Variants in COL9A1 observed in about 807,000 individuals in gnomAD.
COL9A1 encodes the protein collagen alpha-1(IX) chain.
In COL9A1, 104 loss-of-function variants were observed where a neutral mutation model predicts 142.6. The ratio of observed to expected loss-of-function variants is 0.73; its 90% CI spans 0.62 to 0.86. COL9A1 has a LOEUF of 0.86. COL9A1 is among the 40% of genes least tolerant of loss of function. The probability of loss-of-function intolerance (pLI) is 0.00; values close to 1 mark genes in which losing one functional copy is unlikely to be tolerated. For missense variants in COL9A1, 1,210 were observed against 1,176.6 expected, an observed-to-expected ratio of 1.03 and a Z score of -0.42; for synonymous variants, 466 against 396.0, an observed-to-expected ratio of 1.18 and a Z score of -2.10.
At chr6:70,246,502 G>C (rs775089992) in intron 28 of COL9A1, among the ~76,000 whole-genome samples, 5 of 151,982 alleles carry the variant, frequency 3.3e-5, no homozygotes, top group Non-Finnish European at 7.4e-5. Flanking sequence ...GAAATATATT[G>C]CACTAGATGT....
intron 36 of COL9A1, among the ~76,000 whole-genome samples, chr6:70,228,029 G>A (rs1422284685): frequency 6.6e-6 from 1 of 152,104 alleles, no homozygotes; most frequent in Non-Finnish European, 1.5e-5. Flanking sequence ...AGGCAGATGG[G>A]AGACAGGGAT....
In COL9A1 at chr6:70,255,353, C is replaced by A. The variant is rs1176050943; in HGVS notation, c.1541G>T (p.Gly514Val). 3 of 1,614,064 alleles carry A rather than the reference C, an allele frequency of 1.9e-6. No individual in the cohort carries two copies. Among genetic ancestry groups the A allele is most frequent in the Non-Finnish European group, 2.5e-6 (3 of 1,180,020 alleles). Residue 514 changes from glycine (G) to valine (V), a missense_variant, in exon 22 of 38, where the codon GGT becomes GTT. Coordinates refer to ENST00000357250, the MANE Select transcript of COL9A1 (RefSeq NM_001851.6). ...QGQRGPPGEAGPKGDRGAEGA... is the reference protein window; with the variant it reads ...QGQRGPPGEAVPKGDRGAEGA... ...TAAACTCACTCTATCTCCTTTGGGA[C>A]CTGCTTCTCCTGGAGGTCCTCGCTG...
At chr6:70,247,598 C>T (rs910511380) in intron 28 of COL9A1, among the ~76,000 whole-genome samples, 8 of 152,156 alleles carry the variant, frequency 5.3e-5, no homozygotes, top group Non-Finnish European at 1.0e-4. Flanking sequence ...GCTGATTAAC[C>T]TAGGAGATCA....
intron 12 of COL9A1, among the ~76,000 whole-genome samples, chr6:70,273,230 G>A (rs1418913995): frequency 6.6e-6 from 1 of 152,136 alleles, no homozygotes; most frequent in African/African-American, 2.4e-5. Flanking sequence ...CAGGAAGTAA[G>A]TGTTGTGTTT....
chr6:70,253,358 A>G (rs1306539971), intron 26 of COL9A1, 27 bp downstream of exon 26: 3 of 1,452,608 alleles, frequency 2.1e-6, no homozygotes, highest in Admixed American at 1.7e-5. Context: ...TAAGAAAGAT[A>G]TTAACTTAAA....
chr6:70,238,843 A>C (rs910314213), intron 33 of COL9A1, among the ~76,000 whole-genome samples: 1 of 152,242 alleles, frequency 6.6e-6, no homozygotes, highest in African/African-American at 2.4e-5. Flanking sequence ...TAAGTCCTTT[A>C]AGAGTTGAGT....
intron 32 of COL9A1, among the ~76,000 whole-genome samples, 199 bp from the exon 33 acceptor site, chr6:70,239,485 G>A (rs1014364135): frequency 6.6e-6 from 1 of 152,200 alleles, no homozygotes; most frequent in Non-Finnish European, 1.5e-5. Flanking sequence ...TGTAAGCTAT[G>A]TAGCCTCCCA....
intron 5 of COL9A1, 34 bp from the exon 6 acceptor site, chr6:70,283,854 T>C: frequency 6.7e-7 from 1 of 1,500,894 alleles, no homozygotes; most frequent in African/African-American, 1.4e-5. Context: ...AGGTAAGGTT[T>C]TTTGGACGAC....
chr6:70,292,277 G>A (rs1247016572), intron 5 of COL9A1, among the ~76,000 whole-genome samples: 1 of 152,082 alleles, frequency 6.6e-6, no homozygotes, highest in African/African-American at 2.4e-5. Flanking sequence ...TCTTTTTTGT[G>A]TTTCCTGATA....
At chr6:70,259,861 C>T (rs1016052254) in intron 20 of COL9A1, among the ~76,000 whole-genome samples, 2 of 152,112 alleles carry the variant, frequency 1.3e-5, no homozygotes, top group African/African-American at 4.8e-5. Flanking sequence ...GTTTCTGAGA[C>T]TGGGCTAAGG....
intron 1 of COL9A1, among the ~76,000 whole-genome samples, chr6:70,302,662 A>C (rs1460215134): frequency 1.4e-5 from 2 of 146,920 alleles, no homozygotes; most frequent in South Asian, 2.2e-4. Flanking sequence ...TTCACCTTTG[A>C]TTTCCTTCCT....
At chr6:70,267,612 G>A (rs1345026861) in intron 17 of COL9A1, among the ~76,000 whole-genome samples, 7 of 152,030 alleles carry the variant, frequency 4.6e-5, no homozygotes, top group African/African-American at 9.7e-5. Context: ...GTGAGCCACC[G>A]CGCCCGGCCT....
chr6:70,241,878 A>G (rs1770281418), intron 30 of COL9A1, 86 bp downstream of exon 30: 1 of 1,221,202 alleles, frequency 8.2e-7, no homozygotes, highest in Non-Finnish European at 1.2e-6. Flanking sequence ...AAAATTCTCC[A>G]CAGGGCCAAA....
chr6:70,260,762 T>A (rs766674261), intron 19 of COL9A1, 52 bp from the exon 20 acceptor site: 1 of 1,580,360 alleles, frequency 6.3e-7, no homozygotes, highest in Non-Finnish European at 8.7e-7. Context: ...CAAAGATTTT[T>A]AAAAATCTCA....
chr6:70,279,935 T>TTA, intron 10 of COL9A1: 1 of 611,002 alleles, frequency 1.6e-6, no homozygotes, highest in Non-Finnish European at 3.0e-6. Context: ...GTAACTTGAG[T>TTA]GATGCACCAT....
Position 70,294,148 on chromosome 6 carries a change from T to C in COL9A1, c.696+19A>G, listed in dbSNP as rs1773757430. On this transcript the variant is annotated intron_variant, in intron 5 of 37. Coordinates refer to ENST00000357250, the MANE Select transcript of COL9A1 (RefSeq NM_001851.6). ...CTAGTTTTGCTTTAATCTGCCATAG[T>C]GTGTGGTTTTATACTTACTGGAACA... 3.7e-6 allele frequency: 6 copies of C among 1,613,876 alleles called. No homozygotes were observed. The highest frequency in any genetic ancestry group is 5.1e-6 in the Non-Finnish European group (6 of 1,179,820).
At chr6:70,265,340 A>G (rs1771940955) in intron 18 of COL9A1, among the ~76,000 whole-genome samples, 2 of 152,100 alleles carry the variant, frequency 1.3e-5, no homozygotes. Flanking sequence ...TACAAACATC[A>G]AAAATAACAG....
rs970729840 is a variant in COL9A1 at position 70,279,911 on chromosome 6, T to C, written c.975+901A>G. 1.6e-5 allele frequency: 9 copies of C among 546,304 alleles called. No homozygotes were observed. In the African/African-American group the frequency reaches 1.7e-4, roughly 10 times the overall value. 33.8% of individuals were successfully genotyped at this position (546,304 alleles called of 1,614,324 possible). A position where few individuals can be genotyped will look rare whatever the true frequency, so the allele number is the denominator to read the frequency against. ...TTTAGTTTTTGGAAAACACATAAAG[T>C]GGTAACTTGAAGAGTAACTTGAGTG... is the stretch of plus-strand genomic sequence containing the variant. On this transcript the variant is annotated intron_variant, in intron 10 of 37. Coordinates refer to ENST00000357250, the MANE Select transcript of COL9A1 (RefSeq NM_001851.6).
intron 14 of COL9A1, among the ~76,000 whole-genome samples, 165 bp from the exon 15 acceptor site, chr6:70,270,532 C>A (rs1016344043): frequency 7.2e-5 from 11 of 152,062 alleles, no homozygotes; most frequent in African/African-American, 2.7e-4. Flanking sequence ...CCAATTAGTT[C>A]TACAAAATGA....
Sources: gnomAD v4.1 joint callset for allele counts (sites outside exome capture counted in the v4.1 genomes callset) on GRCh38, gnomAD v4.1.1 for gene constraint, MANE v1.5 for transcripts, NCBI Gene and HGNC (gene_info 2026-07-23, HGNC 2026-07-21) for gene names.